Variants in VAPB observed in about 807,000 individuals in gnomAD.
VAPB encodes the protein VAMP associated protein B and C, also known as vesicle-associated membrane protein-associated protein B/C.
A neutral mutation model predicts 25.6 loss-of-function variants in VAPB; 7 were observed. The observed-to-expected ratio is 0.27, with a 90% CI of 0.16 to 0.51. The LOEUF (loss-of-function observed/expected upper bound fraction) is 0.51, where lower values mean the gene tolerates loss of function less well. Among genes scored for constraint, VAPB ranks in the 20% least tolerant of loss-of-function variants. VAPB has a pLI of 0.97. For missense variants in VAPB, 266 were observed against 301.3 expected (o/e 0.88, Z 0.87); for synonymous variants, 112 against 109.2 (o/e 1.03, Z -0.16).
chr20:58,393,438 C>T (rs571859027), intron 1 of VAPB, among the ~76,000 whole-genome samples: 14 of 152,260 alleles, frequency 9.2e-5, no homozygotes, highest in South Asian at 2.1e-4. Context: ...AAGTCCTAAT[C>T]GTTTCCTTGC....
At position 58,402,418 on chromosome 20, in the gene VAPB, G is replaced by C. The variant is rs184718393; in HGVS notation, c.58+12901G>C. Among the ~76,000 whole-genome samples the C allele has an allele frequency of 1.6e-4, 24 of 152,212 alleles. No homozygotes were observed. In the East Asian group the frequency reaches 2.9e-3, roughly 18 times the overall value. ...TGCTTACCTTTGAGGCTCAGCACAG[G>C]CTTCACTTCTTCAAGGTAACTGTCC... On this transcript the variant is annotated intron_variant, in intron 1 of 5. Coordinates refer to ENST00000475243, the MANE Select transcript of VAPB (RefSeq NM_004738.5).
chr20:58,389,573 G>C (rs1001207803), intron 1 of VAPB, 56 bp downstream of exon 1: 1 of 1,507,668 alleles, frequency 6.6e-7, no homozygotes, highest in Non-Finnish European at 8.9e-7. Context: ...AGTGCTGGAA[G>C]GACGGAGCCC....
chr20:58,412,706 A>G (rs940686992), intron 1 of VAPB, among the ~76,000 whole-genome samples: 9 of 152,138 alleles, frequency 5.9e-5, no homozygotes, highest in Admixed American at 2.6e-4. Flanking sequence ...TTTTCAGTTC[A>G]CTGGAAATTT....
chr20:58,420,869 A>G (rs1988651892), intron 2 of VAPB, among the ~76,000 whole-genome samples: 1 of 152,228 alleles, frequency 6.6e-6, no homozygotes, highest in Non-Finnish European at 1.5e-5. Context: ...CCACTGCATC[A>G]TTTATTAGAC....
At chr20:58,430,219 C>T (rs1316989555) in intron 2 of VAPB, among the ~76,000 whole-genome samples, 1 of 150,760 alleles carries the variant, frequency 6.6e-6, no homozygotes, top group Non-Finnish European at 1.5e-5. Context: ...GAGACTGATA[C>T]TTGACATTTT....
At chr20:58,429,331 C>T (rs1988876880) in intron 2 of VAPB, among the ~76,000 whole-genome samples, 1 of 152,204 alleles carries the variant, frequency 6.6e-6, no homozygotes, top group South Asian at 2.1e-4. Flanking sequence ...TCCGCTTTTG[C>T]AGAAGGGCTG....
chr20:58,421,549 G>A (rs1600799793), intron 2 of VAPB, among the ~76,000 whole-genome samples: 1 of 152,170 alleles, frequency 6.6e-6, no homozygotes, highest in East Asian at 1.9e-4. Context: ...AATACTGCTA[G>A]CATTGCCCTG....
chr20:58,390,498 A>ATGC (rs995692517), intron 1 of VAPB, among the ~76,000 whole-genome samples: 1 of 151,064 alleles, frequency 6.6e-6, no homozygotes, highest in Non-Finnish European at 1.5e-5. Context: ...GAGGTGATGG[A>ATGC]TGCACAAGAC....
intron 2 of VAPB, 28 bp downstream of exon 2, chr20:58,418,391 G>C: frequency 6.2e-7 from 1 of 1,612,670 alleles, no homozygotes; most frequent in Non-Finnish European, 8.5e-7. Context: ...AGGCCTAGAG[G>C]GTGGGCTCAG....
Position 58,389,319 on chromosome 20 carries a change from C to T in VAPB, c.-141C>T, listed in dbSNP as rs781153754. On this transcript the variant is annotated 5_prime_UTR_variant, in exon 1 of 6. Transcript: ENST00000475243. ...GTAGACCGACCCCCCCCCAGCGCGC[C>T]CACCCGGTAGAGGACCCCCGCCCGT... 15 of 801,140 alleles carry T rather than the reference C, an allele frequency of 1.9e-5. No individual in the cohort carries two copies. The East Asian group carries it at 4.0e-4, about 22-fold the overall frequency. The allele number at this position is 801,140 out of a possible 1,614,324, so 49.6% of individuals were successfully genotyped here. A position where few individuals can be genotyped will look rare whatever the true frequency, so the allele number is the denominator to read the frequency against.
rs59133081 is a variant in VAPB at position 58,423,414 on chromosome 20, C to CAAAAAAAAAAAAAAAAAA, written c.211+5069_211+5086dup. On this transcript the variant is annotated intron_variant, in intron 2 of 5. Transcript: ENST00000475243. ...GCAACAAGAGAGAAACTCCATCTCACAAAAAAAAAAAAAAAAAAAAAAAAA... is the reference window on the plus strand; with the variant it reads ...GCAACAAGAGAGAAACTCCATCTCACAAAAAAAAAAAAAAAAAAAAAAAAAAAAAAAAAAAAAAAAAAA... Among the ~76,000 whole-genome samples, 9 of 34,760 alleles carry CAAAAAAAAAAAAAAAAAA rather than the reference C, an allele frequency of 2.6e-4. 2 individuals carry two copies. Among genetic ancestry groups the CAAAAAAAAAAAAAAAAAA allele is most frequent in the East Asian group, 1.2e-3 (1 of 840 alleles). The allele number at this position is 34,760 out of a possible 152,430, so 22.8% of individuals were successfully genotyped here.
chr20:58,426,509 G>T (rs1302867461), intron 2 of VAPB, among the ~76,000 whole-genome samples: 5 of 152,174 alleles, frequency 3.3e-5, no homozygotes, highest in African/African-American at 1.2e-4. Flanking sequence ...GAGCATCACT[G>T]GGTGTAAGGA....
chr20:58,419,995 C>CT (rs557590130), intron 2 of VAPB, among the ~76,000 whole-genome samples: 35 of 148,840 alleles, frequency 2.4e-4, no homozygotes, highest in African/African-American at 4.4e-4. Flanking sequence ...CTATCTCTCT[C>CT]TTTTTTTTTT....
intron 2 of VAPB, among the ~76,000 whole-genome samples, chr20:58,426,807 T>C (rs534092080): frequency 6.6e-6 from 1 of 152,196 alleles, no homozygotes; most frequent in South Asian, 2.1e-4. Context: ...TCTAGAAGGA[T>C]CTGTGGGCCT....
intron 2 of VAPB, among the ~76,000 whole-genome samples, chr20:58,426,494 T>C (rs578018884): frequency 3.3e-5 from 5 of 152,204 alleles, no homozygotes; most frequent in Non-Finnish European, 7.4e-5. Flanking sequence ...TTGATGATGA[T>C]AGGAGAGCAT....
chr20:58,407,663 GT>G (rs966758284), intron 1 of VAPB, among the ~76,000 whole-genome samples: 18 of 135,868 alleles, frequency 1.3e-4, no homozygotes, highest in Non-Finnish European at 1.8e-4. Flanking sequence ...TTTTTTTTTT[GT>G]TTTTTTTTTA....
At chr20:58,433,535 G>A (rs2123086935) in intron 2 of VAPB, among the ~76,000 whole-genome samples, 1 of 152,314 alleles carries the variant, frequency 6.6e-6, no homozygotes, top group African/African-American at 2.4e-5. Flanking sequence ...CCTTTGTGGT[G>A]GCTGTGAACT....
intron 1 of VAPB, among the ~76,000 whole-genome samples, chr20:58,393,795 C>T (rs777829023): frequency 3.9e-5 from 6 of 152,044 alleles, no homozygotes; most frequent in East Asian, 1.9e-4. Context: ...TGCAATGGCG[C>T]GATCTTGGCT....
At chr20:58,426,117 A>C (rs1988777422) in intron 2 of VAPB, among the ~76,000 whole-genome samples, 1 of 152,100 alleles carries the variant, frequency 6.6e-6, no homozygotes, top group Non-Finnish European at 1.5e-5. Flanking sequence ...GCTGGCCTCA[A>C]ACTCCTGGCC....
Sources: allele counts gnomAD v4.1 joint callset (sites outside exome capture counted in the v4.1 genomes callset), GRCh38; gene constraint gnomAD v4.1.1; transcripts MANE v1.5; gene names NCBI Gene and HGNC (gene_info 2026-07-23, HGNC 2026-07-21).